The following ZPBP variants were observed in gnomAD, a reference collection of about 807,000 sequenced individuals.
ZPBP encodes zona pellucida-binding protein 1.
Under a neutral mutation model 44.8 loss-of-function variants are expected in ZPBP, and 26 were observed. The ratio of observed to expected loss-of-function variants is 0.58; its 90% CI spans 0.43 to 0.81. The LOEUF (loss-of-function observed/expected upper bound fraction) is 0.81. Among genes scored for constraint, ZPBP ranks in the 30% least tolerant of loss-of-function variants. The pLI is 0.00. For synonymous variants in ZPBP, 174 were observed against 153.2 expected, an observed-to-expected ratio of 1.14 and a Z score of -1.00; for missense variants, 409 against 434.0, an observed-to-expected ratio of 0.94 and a Z score of 0.51.
At chr7:49,869,861 A>C (rs779041557) in intron 2 of ZPBP, among the ~76,000 whole-genome samples, 3 of 152,204 alleles carry the variant, frequency 2.0e-5, no homozygotes, top group Non-Finnish European at 2.9e-5. Context: ...CTAGGTACCC[A>C]TTCAGAAAAG....
intron 7 of ZPBP, among the ~76,000 whole-genome samples, chr7:49,960,108 G>A (rs1214426740): frequency 2.6e-5 from 4 of 151,928 alleles, no homozygotes; most frequent in South Asian, 2.1e-4. Flanking sequence ...ACCTAAATGC[G>A]GAATCCAAAA....
intron 2 of ZPBP, among the ~76,000 whole-genome samples, chr7:49,877,481 A>AAAAAATATATATATATATATATATAT: frequency 7.9e-5 from 1 of 12,722 alleles, no homozygotes; most frequent in African/African-American, 2.8e-4. Context: ...AAAAAAAAAA[A>AAAAAATATATATATATATATATATAT]ATATATATAT....
At chr7:49,862,946 C>T (rs1250083443) in intron 2 of ZPBP, among the ~76,000 whole-genome samples, 1 of 152,176 alleles carries the variant, frequency 6.6e-6, no homozygotes, top group Non-Finnish European at 1.5e-5. Flanking sequence ...ATGTCTCAAT[C>T]TGGCTTTGGT....
At chr7:50,029,211 A>T (rs1799480858) in intron 5 of ZPBP, among the ~76,000 whole-genome samples, 1 of 152,178 alleles carries the variant, frequency 6.6e-6, no homozygotes, top group African/African-American at 2.4e-5. Flanking sequence ...TTCAACAAGG[A>T]TGCCAAGACC....
intron 3 of ZPBP, among the ~76,000 whole-genome samples, chr7:50,064,334 G>C (rs560782909): frequency 6.6e-6 from 1 of 152,312 alleles, no homozygotes; most frequent in Admixed American, 6.5e-5. Context: ...CCACAGGACC[G>C]AGGTGAAATC....
chr7:49,975,586 A>G (rs1307574209), intron 7 of ZPBP, among the ~76,000 whole-genome samples: 1 of 152,118 alleles, frequency 6.6e-6, no homozygotes, highest in Non-Finnish European at 1.5e-5. Context: ...TTTCACTTCT[A>G]CATTGAACTC....
At chr7:49,994,373 A>G (rs1797713497) in intron 6 of ZPBP, among the ~76,000 whole-genome samples, 1 of 152,200 alleles carries the variant, frequency 6.6e-6, no homozygotes, top group Non-Finnish European at 1.5e-5. Flanking sequence ...GGGAGAGAGA[A>G]GCAGTGCAGC....
intron 2 of ZPBP, among the ~76,000 whole-genome samples, chr7:49,898,179 T>C (rs1195608057): frequency 6.6e-6 from 1 of 152,056 alleles, no homozygotes; most frequent in East Asian, 1.9e-4. Flanking sequence ...TGTGTGTGTG[T>C]ATATATGTGT....
chr7:49,943,577 TA>T, intron 7 of ZPBP: 1 of 380,344 alleles, frequency 2.6e-6, no homozygotes, highest in African/African-American at 2.1e-5. Context: ...AAGGGGTCAG[TA>T]AGACTTGCAT....
chr7:50,012,555 TAA>T (rs1798636268), intron 6 of ZPBP, among the ~76,000 whole-genome samples: 1 of 151,520 alleles, frequency 6.6e-6, no homozygotes, highest in South Asian at 2.1e-4. Context: ...AATGCAGATA[TAA>T]GTTGTTTTCA....
At chr7:50,024,596 T>A (rs879929217) in intron 5 of ZPBP, among the ~76,000 whole-genome samples, 1 of 151,756 alleles carries the variant, frequency 6.6e-6, no homozygotes, top group Non-Finnish European at 1.5e-5. Flanking sequence ...TACAGAATGA[T>A]CTCACTTTAA....
chr7:49,904,762 G>GT (rs1792994648), intron 1 of ZPBP, among the ~76,000 whole-genome samples: 1 of 142,430 alleles, frequency 7.0e-6, no homozygotes, highest in South Asian at 2.2e-4. Context: ...TTGAGATGGA[G>GT]TATCACTCTG....
intron 2 of ZPBP, among the ~76,000 whole-genome samples, chr7:49,880,777 C>T (rs1791629755): frequency 6.6e-6 from 1 of 152,008 alleles, no homozygotes; most frequent in Non-Finnish European, 1.5e-5. Context: ...CACATGTATA[C>T]ATAGGCATTT....
downstream of ZPBP, among the ~76,000 whole-genome samples, chr7:49,932,840 T>C (rs1020661252): frequency 6.6e-6 from 1 of 152,136 alleles, no homozygotes; most frequent in Non-Finnish European, 1.5e-5. Context: ...CCCCATACTG[T>C]TCTCCTGGTA....
intron 4 of ZPBP, among the ~76,000 whole-genome samples, chr7:50,050,897 T>C (rs1800662088): frequency 7.1e-6 from 1 of 140,978 alleles, no homozygotes; most frequent in African/African-American, 2.7e-5. Flanking sequence ...ATGACAAAAA[T>C]GCAAAAAGCA....
chr7:49,939,661 T>G (rs959179434), intron 7 of ZPBP, among the ~76,000 whole-genome samples: 4 of 152,070 alleles, frequency 2.6e-5, no homozygotes. Flanking sequence ...ATGTAAAACA[T>G]TTAATATTAA....
chr7:50,018,455 T>C, intron 5 of ZPBP, 139 bp from the exon 6 acceptor site: 1 of 683,116 alleles, frequency 1.5e-6, no homozygotes, highest in Non-Finnish European at 2.4e-6. Context: ...GCTAAATGAC[T>C]CTTCAGCAAA....
chr7:49,940,664 A>C, intron 7 of ZPBP: 1 of 697,566 alleles, frequency 1.4e-6, no homozygotes, highest in South Asian at 6.4e-5. Context: ...CAAAAAAAAA[A>C]AAGCTGTGTT....
intron 6 of ZPBP, among the ~76,000 whole-genome samples, chr7:50,008,501 G>A (rs1388397772): frequency 6.6e-6 from 1 of 151,404 alleles, no homozygotes. Flanking sequence ...CATTTTTTTT[G>A]CAGAAATAGA....
Sources: gnomAD v4.1 joint callset for allele counts (sites outside exome capture counted in the v4.1 genomes callset) on GRCh38, gnomAD v4.1.1 for gene constraint, MANE v1.5 for transcripts, NCBI Gene and HGNC (gene_info 2026-07-23, HGNC 2026-07-21) for gene names.